UBE2G2: variants seen among roughly 807,000 people sequenced by gnomAD.
The protein encoded by UBE2G2 is ubiquitin conjugating enzyme E2 G2.
In UBE2G2, 10 loss-of-function variants were observed where a neutral mutation model predicts 23.0. The observed-to-expected ratio is 0.43, with a 90% confidence interval of 0.27 to 0.74. UBE2G2 has a LOEUF of 0.74. UBE2G2 is among the 30% of genes least tolerant of loss of function. The pLI, the probability that UBE2G2 is intolerant of heterozygous loss-of-function variation, is 0.19. For missense variants in UBE2G2, 150 were observed against 218.3 expected (o/e 0.69, Z 1.97); for synonymous variants, 86 against 81.3 (o/e 1.06, Z -0.31).
chr21:44,772,327 T>C lies in UBE2G2; in HGVS notation c.386-838A>G, dbSNP rs1057423396. On this transcript the variant is annotated intron_variant, in intron 5 of 5. Coordinates refer to ENST00000345496, the MANE Select transcript of UBE2G2 (RefSeq NM_003343.6). The surrounding 1 kb of genome is among the most constrained non-coding windows in gnomAD (Gnocchi z 5.4). Reference sequence around the variant, plus strand: ...GGTTCACGCCTCAGCCCTCTCAGGATACACACTCGCGTCACAGGCCCTGAC... The same window carrying C: ...GGTTCACGCCTCAGCCCTCTCAGGACACACACTCGCGTCACAGGCCCTGAC... Among the ~76,000 whole-genome samples, 16 of 152,060 alleles carry C rather than the reference T, an allele frequency of 1.1e-4. No homozygotes were observed. Among genetic ancestry groups the C allele is most frequent in the African/African-American group, 3.6e-4 (15 of 41,390 alleles).
intron 1 of UBE2G2, among the ~76,000 whole-genome samples, chr21:44,799,089 A>T (rs1418276706): frequency 6.6e-6 from 1 of 152,094 alleles, no homozygotes; most frequent in East Asian, 1.9e-4. Context: ...TTTTTTTCTG[A>T]GCAGTAGGTC....
intron 1 of UBE2G2, among the ~76,000 whole-genome samples, chr21:44,794,764 G>T (rs2083073044): frequency 6.6e-6 from 1 of 152,100 alleles, no homozygotes; most frequent in South Asian, 2.1e-4. Context: ...TCCATCTCCT[G>T]ACCTCGTGAT....
chr21:44,775,987 T>A (rs1482351353), intron 4 of UBE2G2, among the ~76,000 whole-genome samples: 1 of 152,150 alleles, frequency 6.6e-6, no homozygotes, highest in Non-Finnish European at 1.5e-5. Context: ...AGAAAAGAAG[T>A]ACCAAATGGT....
At chr21:44,779,085 T>C (rs1195129431) in intron 3 of UBE2G2, 4 of 200,896 alleles carry the variant, frequency 2.0e-5, no homozygotes, top group Non-Finnish European at 4.3e-5. Context: ...TTTATCTCTA[T>C]AATTAAAGGA....
chr21:44,777,024 T>C (rs1029505315), intron 4 of UBE2G2: 3 of 368,564 alleles, frequency 8.1e-6, no homozygotes, highest in Admixed American at 4.5e-5. Context: ...CACACACCCA[T>C]GTGTAAAACT....
chr21:44,771,469 C>T lies in UBE2G2; in HGVS notation c.406G>A (p.Ala136Thr). Residue 136 changes from alanine to threonine, a missense_variant, in exon 6 of 6, where the codon GCT (alanine) becomes ACT (threonine). By Grantham distance (58) the Ala-to-Thr change is moderately conservative. Coordinates refer to ENST00000345496, the MANE Select transcript of UBE2G2 (RefSeq NM_003343.6). The surrounding 1 kb of genome is among the most constrained non-coding windows in gnomAD (Gnocchi z 4.6). ...MLAEPNDESG[A>T]NVDASKMWRD... ...CACATTTTGGACGCATCCACGTTAG[C>T]TCCACTTTCGTCATTGGGCTCTGAA... 1 of 1,612,256 alleles carries T rather than the reference C, an allele frequency of 6.2e-7. No individual in the cohort carries two copies. Among genetic ancestry groups the T allele is most frequent in the Non-Finnish European group, 8.5e-7 (1 of 1,180,038 alleles).
At chr21:44,778,433 G>T (rs1555960881) in intron 3 of UBE2G2, among the ~76,000 whole-genome samples, 1 of 152,214 alleles carries the variant, frequency 6.6e-6, no homozygotes, top group Admixed American at 6.5e-5. Flanking sequence ...TTCCTCACGT[G>T]TAAATGGAAG....
chr21:44,777,478 T>C lies in UBE2G2; in HGVS notation c.126-61A>G, dbSNP rs1011422504. The C allele has an allele frequency of 8.6e-6, 13 of 1,517,202 alleles. No homozygotes were observed. In the South Asian group the frequency reaches 9.0e-5, roughly 11 times the overall value. 94.0% of individuals were successfully genotyped at this position (1,517,202 alleles called of 1,614,324 possible). ...GTACATTTTTCAACGTCGACCACAA[T>C]TGACAAATGGGTTAAGAACATTTTT... On this transcript the variant is annotated intron_variant, in intron 3 of 5. Transcript: ENST00000345496.
At chr21:44,786,141 C>T (rs1308430679) in intron 3 of UBE2G2, among the ~76,000 whole-genome samples, 1 of 152,258 alleles carries the variant, frequency 6.6e-6, no homozygotes, top group Admixed American at 6.5e-5. Context: ...GGCCTCCCGC[C>T]ACTCTGGGCC....
rs949845725 is a variant in UBE2G2, at chr21:44,780,015, A to G, written c.126-2598T>C. Among the ~76,000 whole-genome samples the G allele has an allele frequency of 3.3e-5, 5 of 152,304 alleles. No homozygotes were observed. In the East Asian group the frequency reaches 9.6e-4, roughly 29 times the overall value. On this transcript the variant is annotated intron_variant, in intron 3 of 5. Coordinates refer to ENST00000345496, the MANE Select transcript of UBE2G2 (RefSeq NM_003343.6). ...AAAAATGTCTGGGTAGTGTTTTTGG[A>G]ATGAGCCAAATGGTATTTGCTCAAT... is the stretch of plus-strand genomic sequence containing the variant.
chr21:44,779,206 G>T (rs551807711), intron 3 of UBE2G2: 4 of 452,064 alleles, frequency 8.8e-6, no homozygotes, highest in African/African-American at 6.0e-5. Context: ...CATGGCCCTA[G>T]CAGGGCTGAT....
chr21:44,773,719 A>G (rs530444419), intron 4 of UBE2G2, 32 bp from the exon 5 acceptor site: 1 of 1,605,244 alleles, frequency 6.2e-7, no homozygotes, highest in African/African-American at 1.3e-5. Flanking sequence ...AAGTGAGCCC[A>G]GGAATGGTGC....
At chr21:44,781,909 G>T (rs1238360369) in intron 3 of UBE2G2, among the ~76,000 whole-genome samples, 1 of 152,100 alleles carries the variant, frequency 6.6e-6, no homozygotes, top group Non-Finnish European at 1.5e-5. Context: ...GGCATCTACA[G>T]CCATACCCTA....
intron 1 of UBE2G2, among the ~76,000 whole-genome samples, chr21:44,798,158 AAAAT>A (rs1190282686): frequency 3.3e-5 from 5 of 152,348 alleles, no homozygotes; most frequent in Admixed American, 6.5e-5. Context: ...CCTGTCTCAA[AAAAT>A]AAATAAATAA....
At chr21:44,797,993 G>A (rs1405174422) in intron 1 of UBE2G2, among the ~76,000 whole-genome samples, 8 of 152,020 alleles carry the variant, frequency 5.3e-5, no homozygotes, top group Non-Finnish European at 1.0e-4. Context: ...GGGAGGTCAA[G>A]ATGAAGACAG....
chr21:44,783,563 A>G (rs140090794), intron 3 of UBE2G2, among the ~76,000 whole-genome samples: 1 of 152,382 alleles, frequency 6.6e-6, no homozygotes, highest in Non-Finnish European at 1.5e-5. Context: ...GATACATGGT[A>G]TAACATGGAT....
At chr21:44,787,315 C>T (rs1294181140) in intron 3 of UBE2G2, among the ~76,000 whole-genome samples, 1 of 152,136 alleles carries the variant, frequency 6.6e-6, no homozygotes, top group Admixed American at 6.5e-5. Context: ...CAACGTCACC[C>T]TAAGTTAAAT....
chr21:44,770,781 T>G lies in UBE2G2; in HGVS notation c.*596A>C, dbSNP rs2082867128. On this transcript the variant is annotated 3_prime_UTR_variant, in exon 6 of 6. Coordinates refer to ENST00000345496, the MANE Select transcript of UBE2G2 (RefSeq NM_003343.6). ...ATTAATTCACACTTCAAAAAAGCAT[T>G]TCCTGGAAGTATTTCTAAGTGTGAT... 1 of 152,378 alleles carries G rather than the reference T, an allele frequency of 6.6e-6. No individual in the cohort carries two copies. Among genetic ancestry groups the G allele is most frequent in the East Asian group, 1.9e-4 (1 of 5,194 alleles). The allele number at this position is 152,378 out of a possible 1,614,324, so 9.4% of individuals were successfully genotyped here.
chr21:44,771,190 C>T lies in UBE2G2; in HGVS notation c.*187G>A, dbSNP rs1389824753. The T allele has an allele frequency of 3.4e-6, 2 of 588,314 alleles. No homozygotes were observed. The highest frequency in any genetic ancestry group is 3.8e-5 in the African/African-American group (2 of 53,298). The allele number at this position is 588,314 out of a possible 1,614,324, so 36.4% of individuals were successfully genotyped here. ...ACTGCAGTAAGCTGTCAATATTCGACATTAAGTCATCATTTCAGAAGAGAA... is the reference window on the plus strand; with the variant it reads ...ACTGCAGTAAGCTGTCAATATTCGATATTAAGTCATCATTTCAGAAGAGAA... On this transcript the variant is annotated 3_prime_UTR_variant, in exon 6 of 6. Transcript: ENST00000345496. The surrounding 1 kb of genome is among the most constrained non-coding windows in gnomAD (Gnocchi z 4.6).
Sources: gnomAD v4.1 joint callset for allele counts (sites outside exome capture counted in the v4.1 genomes callset) on GRCh38, gnomAD v4.1.1 for gene constraint, Gnocchi (gnomAD v3.1) non-coding constraint, MANE v1.5 for transcripts, NCBI Gene and HGNC (gene_info 2026-07-23, HGNC 2026-07-21) for gene names.